Variants in CABCOCO1 observed in about 807,000 individuals in gnomAD.
CABCOCO1 encodes ciliary associated calcium binding coiled-coil 1, also known as ciliary-associated calcium-binding coiled-coil protein 1.
In CABCOCO1, 28 loss-of-function variants were observed where a neutral mutation model predicts 35.7. The ratio of observed to expected loss-of-function variants is 0.78; its 90% CI spans 0.58 to 1.07. CABCOCO1 has a LOEUF of 1.07. Among genes scored for constraint, CABCOCO1 ranks in the 50% least tolerant of loss-of-function variants. CABCOCO1 has a pLI of 0.00. For missense variants in CABCOCO1, 326 were observed against 309.2 expected, an observed-to-expected ratio of 1.05 and a Z score of -0.41; for synonymous variants, 95 against 100.1, an observed-to-expected ratio of 0.95 and a Z score of 0.30.
chr10:61,710,106 T>C (rs958285894), intron 5 of CABCOCO1, among the ~76,000 whole-genome samples: 2 of 152,046 alleles, frequency 1.3e-5, no homozygotes, highest in African/African-American at 2.4e-5. Context: ...TGATTACTAA[T>C]AAAAATTATT....
intron 5 of CABCOCO1, among the ~76,000 whole-genome samples, chr10:61,751,496 T>C (rs898459243): frequency 2.6e-5 from 4 of 152,100 alleles, no homozygotes; most frequent in African/African-American, 9.7e-5. Context: ...ACTGAGAAGC[T>C]GGTGATGCCA....
chr10:61,763,881 G>T (rs79824006), intron 7 of CABCOCO1, among the ~76,000 whole-genome samples: 2 of 151,966 alleles, frequency 1.3e-5, no homozygotes, highest in African/African-American at 4.8e-5. Context: ...AGGAAACACG[G>T]CTAATGACAG....
At chr10:61,739,179 A>T (rs1007845885) in intron 5 of CABCOCO1, among the ~76,000 whole-genome samples, 1 of 152,172 alleles carries the variant, frequency 6.6e-6, no homozygotes, top group Non-Finnish European at 1.5e-5. Flanking sequence ...ATTGGAGAGA[A>T]ATTAACTCAT....
At chr10:61,694,198 G>T (rs1589126288) in intron 5 of CABCOCO1, among the ~76,000 whole-genome samples, 1 of 150,736 alleles carries the variant, frequency 6.6e-6, no homozygotes, top group East Asian at 2.0e-4. Flanking sequence ...GAGGAAAGCA[G>T]GAGGATCAGA....
chr10:61,664,606 A>G (rs763476749), intron 1 of CABCOCO1, among the ~76,000 whole-genome samples: 6 of 152,204 alleles, frequency 3.9e-5, no homozygotes, highest in Non-Finnish European at 8.8e-5. Flanking sequence ...GATGTGCTCA[A>G]TCACTTAGTA....
chr10:61,766,468 A>T lies in CABCOCO1; in HGVS notation c.*455A>T, dbSNP rs1481430033. The T allele has an allele frequency of 6.6e-6, 1 of 151,894 alleles. No individual in the cohort carries two copies. The highest frequency in any genetic ancestry group is 6.6e-5 in the Admixed American group (1 of 15,214). The allele number at this position is 151,894 out of a possible 1,614,324, so 9.4% of individuals were successfully genotyped here. On this transcript the variant is annotated 3_prime_UTR_variant, in exon 8 of 8. Coordinates refer to ENST00000648843, the MANE Select transcript of CABCOCO1 (RefSeq NM_001366906.2). Reference sequence around the variant, plus strand: ...ACCAGTACCACACTATTGAGGATAAAATTTGTTAAACAATAGCAATTCAAA... The same window carrying T: ...ACCAGTACCACACTATTGAGGATAATATTTGTTAAACAATAGCAATTCAAA...
chr10:61,735,081 C>A (rs1589147174), intron 5 of CABCOCO1, among the ~76,000 whole-genome samples: 1 of 151,852 alleles, frequency 6.6e-6, no homozygotes, highest in African/African-American at 2.4e-5. Context: ...CATTAATGAG[C>A]GAAGGTGATA....
At chr10:61,718,662 G>C (rs35024636) in intron 5 of CABCOCO1, among the ~76,000 whole-genome samples, 1 of 152,016 alleles carries the variant, frequency 6.6e-6, no homozygotes, top group Non-Finnish European at 1.5e-5. Context: ...TTTGGTCTTT[G>C]TCCTTGTCTA....
intron 5 of CABCOCO1, among the ~76,000 whole-genome samples, chr10:61,727,426 ATTGTT>A (rs1405857798): frequency 6.6e-6 from 1 of 152,200 alleles, no homozygotes; most frequent in Non-Finnish European, 1.5e-5. Context: ...AAAGATTTGA[ATTGTT>A]TTAAGTTAAT....
intron 5 of CABCOCO1, among the ~76,000 whole-genome samples, chr10:61,734,962 T>A (rs2132058969): frequency 6.6e-6 from 1 of 152,272 alleles, no homozygotes; most frequent in Admixed American, 6.5e-5. Context: ...AAAAGTAACC[T>A]TAAAATGTTA....
At chr10:61,761,875 T>G (rs1170675320) in intron 7 of CABCOCO1, among the ~76,000 whole-genome samples, 2 of 152,104 alleles carry the variant, frequency 1.3e-5, no homozygotes, top group Non-Finnish European at 2.9e-5. Context: ...TGTTTAATCA[T>G]CAAATGTTAT....
At chr10:61,750,072 G>C (rs1841748204) in intron 5 of CABCOCO1, among the ~76,000 whole-genome samples, 3 of 150,850 alleles carry the variant, frequency 2.0e-5, no homozygotes, top group Admixed American at 2.0e-4. Context: ...CTTTCACATT[G>C]TATTGTGAGT....
intron 5 of CABCOCO1, among the ~76,000 whole-genome samples, chr10:61,698,296 A>G (rs1840347800): frequency 6.6e-6 from 1 of 152,202 alleles, no homozygotes; most frequent in Admixed American, 6.6e-5. Context: ...ATTTTGCAGC[A>G]TGGGCATTTT....
At chr10:61,669,016 T>TG (rs1231435653) in intron 1 of CABCOCO1, among the ~76,000 whole-genome samples, 13 of 35,798 alleles carry the variant, frequency 3.6e-4, no homozygotes, top group African/African-American at 8.3e-4. Flanking sequence ...TTTTAAGGGT[T>TG]GGGGAAAAAA....
intron 4 of CABCOCO1, among the ~76,000 whole-genome samples, chr10:61,688,822 G>C (rs1216956299): frequency 6.6e-6 from 1 of 152,176 alleles, no homozygotes; most frequent in African/African-American, 2.4e-5. Flanking sequence ...CTAGGAAGTT[G>C]AGTCAGTCAG....
At chr10:61,748,689 A>G (rs887963851) in intron 5 of CABCOCO1, among the ~76,000 whole-genome samples, 1 of 152,208 alleles carries the variant, frequency 6.6e-6, no homozygotes. Flanking sequence ...TAGAGTTTTA[A>G]AATAGTATTT....
At chr10:61,674,417 G>C (rs1839448401) in intron 2 of CABCOCO1, among the ~76,000 whole-genome samples, 1 of 151,996 alleles carries the variant, frequency 6.6e-6, no homozygotes, top group African/African-American at 2.4e-5. Context: ...CATCATCTTT[G>C]GATAAATAAC....
At chr10:61,664,808 C>T (rs1839115278) in intron 1 of CABCOCO1, among the ~76,000 whole-genome samples, 1 of 152,156 alleles carries the variant, frequency 6.6e-6, no homozygotes, top group African/African-American at 2.4e-5. Context: ...GCCTGCCACC[C>T]ATTTGTGCTG....
intron 5 of CABCOCO1, among the ~76,000 whole-genome samples, chr10:61,753,829 C>T (rs1336053102): frequency 1.3e-5 from 2 of 152,108 alleles, no homozygotes; most frequent in Non-Finnish European, 2.9e-5. Context: ...CTTCAAATAA[C>T]GTGGTATTGA....
Sources: gnomAD v4.1 joint callset for allele counts (sites outside exome capture counted in the v4.1 genomes callset) on GRCh38, gnomAD v4.1.1 for gene constraint, MANE v1.5 for transcripts, NCBI Gene and HGNC (gene_info 2026-07-23, HGNC 2026-07-21) for gene names.